The following BCKDHB variants were observed in gnomAD, a reference collection of about 807,000 sequenced individuals.
BCKDHB encodes branched chain keto acid dehydrogenase E1 subunit beta.
A neutral mutation model predicts 48.5 loss-of-function variants in BCKDHB; 41 were observed. The observed-to-expected ratio is 0.85, with a 90% CI of 0.66 to 1.10. The LOEUF (loss-of-function observed/expected upper bound fraction) is 1.10, where lower values mean the gene tolerates loss of function less well. Among genes scored for constraint, BCKDHB ranks in the 50% least tolerant of loss-of-function variants. The pLI, the probability that BCKDHB is intolerant of heterozygous loss-of-function variation, is 0.00. For missense variants in BCKDHB, 496 were observed against 494.2 expected (o/e 1.00, Z -0.03); for synonymous variants, 201 against 174.8 (o/e 1.15, Z -1.18).
intron 6 of BCKDHB, among the ~76,000 whole-genome samples, chr6:80,198,908 A>G (rs989163918): frequency 2.0e-5 from 3 of 152,186 alleles, no homozygotes; most frequent in African/African-American, 7.2e-5. Context: ...GAGGCCATAT[A>G]TCTAGAAGCA....
chr6:80,383,921 C>G, the BCKDHB span, among the ~76,000 whole-genome samples: 1 of 152,056 alleles, frequency 6.6e-6, no homozygotes, highest in Non-Finnish European at 1.5e-5. Context: ...AGATATTAAA[C>G]AATTATTGAG....
rs149309852 is a variant in BCKDHB at position 80,134,839 on chromosome 6, A to G, written c.343+5610A>G. ...GAGATCTCAGCTCACTGCAACTTCC[A>G]TTCCCCAGGTTCAAGTGATTCTTGT... On this transcript the variant is annotated intron_variant, in intron 3 of 9. Coordinates refer to ENST00000320393, the MANE Select transcript of BCKDHB (RefSeq NM_183050.4). Among the ~76,000 whole-genome samples, 263 of 152,058 alleles carry G rather than the reference A, an allele frequency of 1.7e-3. 1 individual carries two copies. Among genetic ancestry groups the G allele is most frequent in the African/African-American group, 6.0e-3 (250 of 41,490 alleles).
chr6:80,341,020 A>C (rs1271582242), intron 9 of BCKDHB, among the ~76,000 whole-genome samples: 1 of 152,234 alleles, frequency 6.6e-6, no homozygotes, highest in East Asian at 1.9e-4. Flanking sequence ...TCATGGAAGA[A>C]ATAACTTAAG....
chr6:80,220,377 TATAGA>T, intron 8 of BCKDHB, among the ~76,000 whole-genome samples: 2 of 147,400 alleles, frequency 1.4e-5, no homozygotes, highest in East Asian at 2.0e-4. Context: ...AGTTATGTTC[TATAGA>T]TTATCTCTGT....
chr6:80,407,101 A>G, the BCKDHB span, among the ~76,000 whole-genome samples: 3 of 152,186 alleles, frequency 2.0e-5, no homozygotes, highest in Admixed American at 1.3e-4. Context: ...AGTACCATTT[A>G]TTAAATAGGG....
At chr6:80,241,957 T>G (rs1001081230) in intron 8 of BCKDHB, among the ~76,000 whole-genome samples, 1 of 152,232 alleles carries the variant, frequency 6.6e-6, no homozygotes, top group African/African-American at 2.4e-5. Flanking sequence ...CTAAGAAACC[T>G]TTATGAGTTA....
intron 3 of BCKDHB, among the ~76,000 whole-genome samples, chr6:80,130,226 A>G (rs541019182): frequency 6.6e-6 from 1 of 152,142 alleles, no homozygotes; most frequent in East Asian, 1.9e-4. Context: ...GTCTTACCTG[A>G]TTTAGAATTC....
intron 6 of BCKDHB, among the ~76,000 whole-genome samples, chr6:80,183,597 A>AT (rs1773512218): frequency 1.3e-5 from 2 of 152,088 alleles, no homozygotes; most frequent in South Asian, 4.1e-4. Context: ...ATGTTAACAC[A>AT]TTGTCATCAC....
chr6:80,436,518 G>A, the BCKDHB span, among the ~76,000 whole-genome samples: 1 of 152,060 alleles, frequency 6.6e-6, no homozygotes, highest in Non-Finnish European at 1.5e-5. Flanking sequence ...AAGCATGTTA[G>A]ATGCATGTAC....
intron 9 of BCKDHB, among the ~76,000 whole-genome samples, chr6:80,279,247 G>A (rs980279331): frequency 1.3e-5 from 2 of 151,754 alleles, no homozygotes; most frequent in African/African-American, 2.4e-5. Context: ...TCTGCCTCCC[G>A]GGTTCAAGTG....
chr6:80,141,216 A>G (rs1771192713), intron 3 of BCKDHB, among the ~76,000 whole-genome samples: 1 of 151,828 alleles, frequency 6.6e-6, no homozygotes, highest in Admixed American at 6.6e-5. Context: ...TAGTCTTGCT[A>G]GCGGTCTATC....
At chr6:80,283,198 A>G (rs2127977094) in intron 9 of BCKDHB, among the ~76,000 whole-genome samples, 1 of 152,198 alleles carries the variant, frequency 6.6e-6, no homozygotes, top group East Asian at 1.9e-4. Context: ...ATTTTTCTGT[A>G]TTAATCAGTA....
chr6:80,367,180 C>T, the BCKDHB span, among the ~76,000 whole-genome samples: 1 of 152,136 alleles, frequency 6.6e-6, no homozygotes, highest in Non-Finnish European at 1.5e-5. Context: ...GTTAAAGTTA[C>T]TCAATATAAT....
At chr6:80,348,326 A>G (rs1039862386), downstream of BCKDHB, among the ~76,000 whole-genome samples, 2 of 152,218 alleles carry the variant, frequency 1.3e-5, no homozygotes, top group Non-Finnish European at 2.9e-5. Context: ...TAGAAGGTCC[A>G]CATTTGGTTT....
At chr6:80,416,415 T>G in the BCKDHB span, among the ~76,000 whole-genome samples, 1 of 152,066 alleles carries the variant, frequency 6.6e-6, no homozygotes, top group South Asian at 2.1e-4. Flanking sequence ...TGTGGTCATA[T>G]AGTATTATAA....
chr6:80,451,409 T>C, the BCKDHB span, among the ~76,000 whole-genome samples: 1 of 152,156 alleles, frequency 6.6e-6, no homozygotes, highest in African/African-American at 2.4e-5. Context: ...TTTGCTCTTC[T>C]TGAGGTCCCA....
chr6:80,357,553 C>A, the BCKDHB span, among the ~76,000 whole-genome samples: 1 of 152,176 alleles, frequency 6.6e-6, no homozygotes, highest in African/African-American at 2.4e-5. Context: ...GGAGAATAAC[C>A]AGTACACAGC....
chr6:80,240,165 A>G (rs1464121575), intron 8 of BCKDHB, among the ~76,000 whole-genome samples: 1 of 152,024 alleles, frequency 6.6e-6, no homozygotes, highest in Non-Finnish European at 1.5e-5. Context: ...CTTGATGGGG[A>G]TGGCATTGAA....
At chr6:80,207,603 C>G (rs965928113) in intron 8 of BCKDHB, among the ~76,000 whole-genome samples, 1 of 151,594 alleles carries the variant, frequency 6.6e-6, no homozygotes, top group African/African-American at 2.4e-5. Context: ...TCATGAAAAA[C>G]AACTACCACC....
Sources: gnomAD v4.1 joint callset for allele counts (sites outside exome capture counted in the v4.1 genomes callset) on GRCh38, gnomAD v4.1.1 for gene constraint, MANE v1.5 for transcripts, NCBI Gene and HGNC (gene_info 2026-07-23, HGNC 2026-07-21) for gene names.